Variants in CFAP61 observed in about 807,000 individuals in gnomAD.
The protein encoded by CFAP61 is cilia and flagella associated protein 61.
CFAP61 carries 107 observed loss-of-function variants against 135.6 expected under a neutral mutation model. The ratio of observed to expected loss-of-function variants is 0.79; its 90% CI spans 0.67 to 0.93. The LOEUF (loss-of-function observed/expected upper bound fraction) is 0.93, where lower values mean the gene tolerates loss of function less well. CFAP61 is among the 40% of genes least tolerant of loss of function. The pLI, the probability that CFAP61 is intolerant of heterozygous loss-of-function variation, is 0.00. For synonymous variants in CFAP61, 575 were observed against 578.5 expected, an observed-to-expected ratio of 0.99 and a Z score of 0.09; for missense variants, 1,507 against 1,556.2, an observed-to-expected ratio of 0.97 and a Z score of 0.53.
At chr20:20,252,852 G>A (rs1490328654) in intron 20 of CFAP61, among the ~76,000 whole-genome samples, 2 of 152,218 alleles carry the variant, frequency 1.3e-5, no homozygotes, top group Admixed American at 6.5e-5. Context: ...TGCCTTGGCC[G>A]CACATTGAGA....
intron 21 of CFAP61, among the ~76,000 whole-genome samples, chr20:20,267,097 G>A (rs924076252): frequency 6.6e-6 from 1 of 152,196 alleles, no homozygotes; most frequent in Admixed American, 6.5e-5. Context: ...CAGCTATAGA[G>A]GCACTGTGGC....
At position 20,310,535 on chromosome 20, in the gene CFAP61, C is replaced by T. The variant is rs536646532; in HGVS notation, c.3422+12149C>T. Among the ~76,000 whole-genome samples, 4 of 152,300 alleles carry T rather than the reference C, an allele frequency of 2.6e-5. No individual in the cohort carries two copies. In the East Asian group the frequency reaches 7.7e-4, roughly 29 times the overall value. On this transcript the variant is annotated intron_variant, in intron 25 of 26. Transcript: ENST00000245957. ...AGGTTCCACTGCAGACAGCAGAATC[C>T]TCTCTAGCTGGTTTAAACAGAAAGC...
chr20:20,207,396 A>G lies in CFAP61; in HGVS notation c.1932+7494A>G, dbSNP rs1266146974. On this transcript the variant is annotated intron_variant, in intron 17 of 26. Coordinates refer to ENST00000245957, the MANE Select transcript of CFAP61 (RefSeq NM_015585.4). Reference sequence around the variant, plus strand: ...AACCCAGTAGGGGGAAAAAAAATGCATTCTCCTCCCTGCAGAGCCAGGGTA... The same window carrying G: ...AACCCAGTAGGGGGAAAAAAAATGCGTTCTCCTCCCTGCAGAGCCAGGGTA... Among the ~76,000 whole-genome samples, 3 of 152,194 alleles carry G rather than the reference A, an allele frequency of 2.0e-5. No homozygotes were observed. In the East Asian group the frequency reaches 5.8e-4, roughly 29 times the overall value.
intron 9 of CFAP61, among the ~76,000 whole-genome samples, chr20:20,143,332 G>A (rs1276531456): frequency 6.6e-6 from 1 of 152,160 alleles, no homozygotes; most frequent in African/African-American, 2.4e-5. Flanking sequence ...TTACTGCCCT[G>A]ACTGGTCCCT....
At chr20:20,074,575 G>A (rs780330729) in intron 4 of CFAP61, among the ~76,000 whole-genome samples, 197 bp downstream of exon 4, 3 of 152,128 alleles carry the variant, frequency 2.0e-5, no homozygotes, top group East Asian at 1.9e-4. Flanking sequence ...CATTCTGCAC[G>A]CTGTTATCAT....
intron 22 of CFAP61, among the ~76,000 whole-genome samples, chr20:20,279,380 T>C (rs2054009551): frequency 1.3e-5 from 2 of 152,154 alleles, no homozygotes; most frequent in Non-Finnish European, 2.9e-5. Context: ...TATATGAAAA[T>C]GTATTTTGTA....
intron 17 of CFAP61, among the ~76,000 whole-genome samples, chr20:20,206,368 T>C (rs1353311078): frequency 6.6e-6 from 1 of 152,202 alleles, no homozygotes; most frequent in Non-Finnish European, 1.5e-5. Flanking sequence ...TATCTAATTT[T>C]AGAACATTTT....
At chr20:20,341,729 G>A in intron 25 of CFAP61, 102 bp from the exon 26 acceptor site, 3 of 723,760 alleles carry the variant, frequency 4.1e-6, no homozygotes, top group Non-Finnish European at 6.9e-6. Context: ...CGATTGCAAT[G>A]AGGCCAGAAC....
chr20:20,267,214 G>T (rs1253310638), intron 21 of CFAP61, among the ~76,000 whole-genome samples: 1 of 152,094 alleles, frequency 6.6e-6, no homozygotes, highest in Non-Finnish European at 1.5e-5. Flanking sequence ...AGAGAGGCTG[G>T]GGGAGTTTGG....
intron 20 of CFAP61, chr20:20,259,563 A>G (rs2051990453): frequency 6.6e-6 from 1 of 151,814 alleles, no homozygotes; most frequent in Non-Finnish European, 1.5e-5. Context: ...GTGAGTCACC[A>G]TGCCTGGCCC....
intron 18 of CFAP61, among the ~76,000 whole-genome samples, chr20:20,233,989 A>G (rs2049371782): frequency 6.6e-6 from 1 of 152,154 alleles, no homozygotes; most frequent in African/African-American, 2.4e-5. Context: ...ATGTACCCGG[A>G]TCTGAGTCGT....
chr20:20,330,353 T>C (rs2057935723), intron 25 of CFAP61, among the ~76,000 whole-genome samples: 1 of 152,132 alleles, frequency 6.6e-6, no homozygotes, highest in Non-Finnish European at 1.5e-5. Context: ...TTTGTTTGTT[T>C]TGTGACAGGG....
intron 12 of CFAP61, 21 bp downstream of exon 12, chr20:20,166,457 G>T: frequency 1.3e-6 from 2 of 1,594,446 alleles, no homozygotes; most frequent in Non-Finnish European, 1.7e-6. Context: ...GCTGAATTTT[G>T]AGAACTGATT....
chr20:20,172,589 A>G (rs1215283926), intron 13 of CFAP61, among the ~76,000 whole-genome samples: 3 of 152,252 alleles, frequency 2.0e-5, no homozygotes, highest in South Asian at 2.1e-4. Context: ...CAGTGTTGCA[A>G]TTACAGGTGT....
intron 25 of CFAP61, among the ~76,000 whole-genome samples, chr20:20,318,795 G>A (rs1489761780): frequency 2.0e-5 from 3 of 152,160 alleles, no homozygotes; most frequent in Admixed American, 1.3e-4. Flanking sequence ...AGGCTGCTTG[G>A]GGGTCAGGAG....
At chr20:20,118,504 C>T (rs1177483259) in intron 8 of CFAP61, among the ~76,000 whole-genome samples, 1 of 151,830 alleles carries the variant, frequency 6.6e-6, no homozygotes, top group Admixed American at 6.6e-5. Context: ...CCACTCCTGG[C>T]TAATTTTTGT....
rs2055798283 is a variant in CFAP61, at chr20:20,298,258, A to G, written c.3294A>G (p.Glu1098=). ...ATATTAACAAGTATAAAATGGTGGA[A>G]ACCATCACGTGCCTTTCTAGGGAGC... is the stretch of plus-strand genomic sequence containing the variant. ...RIHINKYKMV[E]TITCLSREPF... The change falls in exon 25 of 27, where the codon GAA becomes GAG. Residue 1098 remains glutamate (E), a synonymous_variant. Coordinates refer to ENST00000245957, the MANE Select transcript of CFAP61 (RefSeq NM_015585.4). 1 of 1,613,946 alleles carries G rather than the reference A, an allele frequency of 6.2e-7. No individual in the cohort carries two copies. Among genetic ancestry groups the G allele is most frequent in the African/African-American group, 1.3e-5 (1 of 74,896 alleles).
At chr20:20,088,209 T>C (rs190925873) in intron 6 of CFAP61, among the ~76,000 whole-genome samples, 1 of 152,164 alleles carries the variant, frequency 6.6e-6, no homozygotes, top group Admixed American at 6.5e-5. Flanking sequence ...GGTTGACAGT[T>C]TTAAAAAACA....
chr20:20,236,892 A>G (rs1472314013), intron 18 of CFAP61, among the ~76,000 whole-genome samples: 1 of 152,202 alleles, frequency 6.6e-6, no homozygotes, highest in African/African-American at 2.4e-5. Flanking sequence ...CTTGGTATTT[A>G]CATCTGGTAT....
Sources: gnomAD v4.1 joint callset for allele counts (sites outside exome capture counted in the v4.1 genomes callset) on GRCh38, gnomAD v4.1.1 for gene constraint, MANE v1.5 for transcripts, NCBI Gene and HGNC (gene_info 2026-07-23, HGNC 2026-07-21) for gene names.